INPP4B: variants seen among roughly 807,000 people sequenced by gnomAD.
The protein encoded by INPP4B is inositol polyphosphate-4-phosphatase type II B.
INPP4B carries 55 observed loss-of-function variants against 122.5 expected under a neutral mutation model. That is an observed-to-expected ratio of 0.45 (90% confidence interval 0.36 to 0.56). INPP4B has a LOEUF of 0.56. INPP4B is among the 20% of genes least tolerant of loss of function. The pLI, the probability that INPP4B is intolerant of heterozygous loss-of-function variation, is 0.00. For missense variants in INPP4B, 1,000 were observed against 1,097.7 expected (o/e 0.91, Z 1.26); for synonymous variants, 403 against 388.7 (o/e 1.04, Z -0.43).
At chr4:142,341,864 C>A (rs1778809408) in intron 7 of INPP4B, among the ~76,000 whole-genome samples, 1 of 151,962 alleles carries the variant, frequency 6.6e-6, no homozygotes, top group Non-Finnish European at 1.5e-5. Context: ...AGTCATACAG[C>A]CAAAAAGAGC....
At chr4:142,381,106 T>C (rs1014287971) in intron 7 of INPP4B, among the ~76,000 whole-genome samples, 3 of 152,148 alleles carry the variant, frequency 2.0e-5, no homozygotes, top group Admixed American at 6.6e-5. Context: ...TTTGTTTCTA[T>C]GAGGTTCAAA....
chr4:142,479,958 AAAGTT>A (rs377748513), intron 2 of INPP4B, among the ~76,000 whole-genome samples: 8 of 152,160 alleles, frequency 5.3e-5, no homozygotes, highest in Non-Finnish European at 1.0e-4. Flanking sequence ...ACCTAAAATA[AAAGTT>A]AAGAAAGAAT....
At chr4:142,202,021 GT>G (rs964995097) in intron 14 of INPP4B, among the ~76,000 whole-genome samples, 1 of 151,732 alleles carries the variant, frequency 6.6e-6, no homozygotes, top group Non-Finnish European at 1.5e-5. Flanking sequence ...ACAAAATACA[GT>G]TTTTTTTCTT....
intron 2 of INPP4B, among the ~76,000 whole-genome samples, chr4:142,629,936 C>A (rs546755975): frequency 1.2e-4 from 18 of 152,054 alleles, no homozygotes; most frequent in Non-Finnish European, 2.4e-4. Flanking sequence ...AGCCAAACTA[C>A]AGAAACTGAG....
intron 2 of INPP4B, among the ~76,000 whole-genome samples, chr4:142,712,221 A>G (rs1171661210): frequency 6.6e-6 from 1 of 152,176 alleles, no homozygotes. Context: ...ATAAGTTTCT[A>G]TTGTTTATAA....
intron 25 of INPP4B, among the ~76,000 whole-genome samples, chr4:142,045,729 C>T (rs1750988068): frequency 6.6e-6 from 1 of 152,024 alleles, no homozygotes; most frequent in Non-Finnish European, 1.5e-5. Flanking sequence ...GGTTAGAAAA[C>T]TCATACAGAA....
At chr4:142,319,498 T>C (rs17015920) in intron 7 of INPP4B, among the ~76,000 whole-genome samples, 17,844 of 152,172 alleles carry the variant, frequency 0.12, 1,258 homozygotes, top group Middle Eastern at 0.2. Flanking sequence ...AACAGAAATG[T>C]TTTGCCCTGC....
intron 7 of INPP4B, among the ~76,000 whole-genome samples, chr4:142,386,481 C>A (rs1795999550): frequency 6.6e-6 from 1 of 152,170 alleles, no homozygotes; most frequent in African/African-American, 2.4e-5. Flanking sequence ...TGCAACCTAA[C>A]TTAATAGGTA....
chr4:142,299,174 GGGA>G (rs1760225382), intron 9 of INPP4B, among the ~76,000 whole-genome samples: 1 of 104,532 alleles, frequency 9.6e-6, no homozygotes, highest in African/African-American at 5.6e-5. Flanking sequence ...TTTTTTGGGG[GGGA>G]GACAGAGTCT....
intron 13 of INPP4B, among the ~76,000 whole-genome samples, 165 bp downstream of exon 13, chr4:142,208,731 T>G (rs1310539747): frequency 6.6e-6 from 1 of 152,042 alleles, no homozygotes; most frequent in Non-Finnish European, 1.5e-5. Flanking sequence ...TAAGGTAAAA[T>G]AGGGTAGTTT....
chr4:142,422,552 C>T (rs1807161907), intron 5 of INPP4B, among the ~76,000 whole-genome samples: 1 of 152,018 alleles, frequency 6.6e-6, no homozygotes, highest in African/African-American at 2.4e-5. Context: ...TGCCTGTACT[C>T]CCAGCACTTT....
intron 9 of INPP4B, among the ~76,000 whole-genome samples, chr4:142,285,863 G>A (rs776473667): frequency 4.6e-5 from 7 of 152,042 alleles, no homozygotes; most frequent in Admixed American, 1.3e-4. Flanking sequence ...GTTTAGCTAG[G>A]CAAAATATGC....
chr4:142,673,946 G>C (rs1436033356), intron 2 of INPP4B, among the ~76,000 whole-genome samples: 1 of 152,110 alleles, frequency 6.6e-6, no homozygotes, highest in African/African-American at 2.4e-5. Flanking sequence ...ACAGCTGCCA[G>C]CAGTGTTGGC....
intron 25 of INPP4B, among the ~76,000 whole-genome samples, chr4:142,052,227 T>C (rs1755024398): frequency 6.6e-6 from 1 of 152,010 alleles, no homozygotes. Flanking sequence ...AAATACTCCA[T>C]GTATTATAAA....
At chr4:142,496,356 G>A (rs1362742733) in intron 2 of INPP4B, among the ~76,000 whole-genome samples, 1 of 152,068 alleles carries the variant, frequency 6.6e-6, no homozygotes, top group East Asian at 1.9e-4. Context: ...TTGTGGCTAT[G>A]AGGAATAGTG....
intron 7 of INPP4B, among the ~76,000 whole-genome samples, chr4:142,357,650 T>C (rs1356751537): frequency 2.6e-5 from 4 of 151,586 alleles, no homozygotes; most frequent in Admixed American, 2.6e-4. Flanking sequence ...ACATGAGTAC[T>C]GAATAAGATG....
intron 2 of INPP4B, among the ~76,000 whole-genome samples, chr4:142,701,881 T>C (rs1560976621): frequency 6.6e-6 from 1 of 152,200 alleles, no homozygotes; most frequent in Admixed American, 6.5e-5. Flanking sequence ...ATATTTGTAT[T>C]TACTCAAATA....
chr4:142,029,615 T>G (rs546314947), intron 25 of INPP4B: 66 of 984,992 alleles, frequency 6.7e-5, no homozygotes, highest in Non-Finnish European at 7.5e-5. Context: ...ATAGCCATTC[T>G]CTCCATAAAG....
At chr4:142,514,814 G>A (rs1293274138) in intron 2 of INPP4B, among the ~76,000 whole-genome samples, 1 of 34,584 alleles carries the variant, frequency 2.9e-5, no homozygotes, top group Non-Finnish European at 5.7e-5. Flanking sequence ...TTTTTTTTTT[G>A]AGACGAAGTC....
Sources: allele counts gnomAD v4.1 joint callset (sites outside exome capture counted in the v4.1 genomes callset), GRCh38; gene constraint gnomAD v4.1.1; transcripts MANE v1.5; gene names NCBI Gene and HGNC (gene_info 2026-07-23, HGNC 2026-07-21).